ADGRB3: variants seen among roughly 807,000 people sequenced by gnomAD.
ADGRB3 encodes adhesion G protein-coupled receptor B3, also known as brain-specific angiogenesis inhibitor 3.
ADGRB3 carries 37 observed loss-of-function variants against 193.4 expected under a neutral mutation model. The observed-to-expected ratio is 0.19, with a 90% CI of 0.15 to 0.25. ADGRB3 has a LOEUF of 0.25. ADGRB3 is among the 10% of genes least tolerant of loss of function. ADGRB3 has a pLI of 1.00. For synonymous variants in ADGRB3, 690 were observed against 644.2 expected (o/e 1.07, Z -1.08); for missense variants, 1,637 against 1,852.9 (o/e 0.88, Z 2.14).
chr6:68,674,322 G>A lies in ADGRB3; in HGVS notation c.757+34890G>A, dbSNP rs139705562. Among the ~76,000 whole-genome samples the A allele has an allele frequency of 3.9e-3, 596 of 152,022 alleles. 3 individuals are homozygous for A. The highest frequency in any genetic ancestry group is 0.013 in the African/African-American group (557 of 41,466). ...TTTAAAAGCTAAAAAAATTTTAGACGGCATGAAACATTGTAAGACAATAGA... is the reference window on the plus strand; with the variant it reads ...TTTAAAAGCTAAAAAAATTTTAGACAGCATGAAACATTGTAAGACAATAGA... On this transcript the variant is annotated intron_variant, in intron 3 of 31. Coordinates refer to ENST00000370598, the MANE Select transcript of ADGRB3 (RefSeq NM_001704.3).
At chr6:69,058,958 C>A (rs1020364315) in intron 15 of ADGRB3, among the ~76,000 whole-genome samples, 5 of 151,850 alleles carry the variant, frequency 3.3e-5, no homozygotes, top group African/African-American at 1.2e-4. Context: ...CCTGTTAGGT[C>A]CAATTCATCT....
At chr6:68,798,789 T>C (rs1477947211) in intron 3 of ADGRB3, among the ~76,000 whole-genome samples, 4 of 152,206 alleles carry the variant, frequency 2.6e-5, no homozygotes, top group African/African-American at 9.6e-5. Context: ...CAAAGGAGTT[T>C]TCCAGAAGAA....
intron 3 of ADGRB3, among the ~76,000 whole-genome samples, chr6:68,896,462 A>G (rs1766221110): frequency 6.6e-6 from 1 of 152,138 alleles, no homozygotes; most frequent in African/African-American, 2.4e-5. Flanking sequence ...GCTACTTTAA[A>G]GTTATGAAGT....
intron 3 of ADGRB3, among the ~76,000 whole-genome samples, chr6:68,897,912 T>C (rs1766284855): frequency 6.8e-6 from 1 of 148,088 alleles, no homozygotes; most frequent in African/African-American, 2.5e-5. Flanking sequence ...AAACACATTA[T>C]TATTAGGATT....
At chr6:69,287,229 A>C (rs894240228) in intron 20 of ADGRB3, among the ~76,000 whole-genome samples, 2 of 152,160 alleles carry the variant, frequency 1.3e-5, no homozygotes, top group Non-Finnish European at 2.9e-5. Context: ...TCAATTTCTG[A>C]GTCCACTCTG....
intron 19 of ADGRB3, among the ~76,000 whole-genome samples, chr6:69,237,449 GA>G (rs940679034): frequency 2.0e-5 from 3 of 151,816 alleles, no homozygotes; most frequent in African/African-American, 7.3e-5. Flanking sequence ...ATTTTTACAT[GA>G]AAAAATAATG....
chr6:69,264,523 T>C (rs559483929), intron 20 of ADGRB3, among the ~76,000 whole-genome samples: 66 of 151,990 alleles, frequency 4.3e-4, no homozygotes, highest in Admixed American at 5.9e-4. Flanking sequence ...CTTTTTTTTT[T>C]ATTTATTTAG....
intron 8 of ADGRB3, among the ~76,000 whole-genome samples, chr6:68,967,701 T>G (rs567561572): frequency 6.6e-6 from 1 of 151,106 alleles, no homozygotes; most frequent in African/African-American, 2.4e-5. Flanking sequence ...CAAAAACAGA[T>G]CTAGCCAAAA....
chr6:68,999,270 T>TC (rs1219893303), intron 11 of ADGRB3, among the ~76,000 whole-genome samples: 1 of 150,278 alleles, frequency 6.7e-6, no homozygotes, highest in Non-Finnish European at 1.5e-5. Flanking sequence ...CCTTTTCTTT[T>TC]TTTTTTTTTT....
intron 17 of ADGRB3, among the ~76,000 whole-genome samples, chr6:69,169,101 C>T (rs1775205100): frequency 2.0e-5 from 3 of 152,002 alleles, no homozygotes; most frequent in Admixed American, 1.3e-4. Flanking sequence ...GATAGTTCCT[C>T]TATAGCCATG....
intron 3 of ADGRB3, among the ~76,000 whole-genome samples, chr6:68,929,852 T>C (rs1293069805): frequency 6.6e-6 from 1 of 152,066 alleles, no homozygotes; most frequent in African/African-American, 2.4e-5. Flanking sequence ...TTTCTGCCTT[T>C]CTTGAAAGTT....
chr6:68,703,865 C>A (rs1287460710), intron 3 of ADGRB3, among the ~76,000 whole-genome samples: 1 of 152,148 alleles, frequency 6.6e-6, no homozygotes, highest in Non-Finnish European at 1.5e-5. Flanking sequence ...TCAAGCAGTC[C>A]TCCTGCCTCA....
At chr6:69,023,259 A>T (rs1263794979) in intron 13 of ADGRB3, among the ~76,000 whole-genome samples, 1 of 152,160 alleles carries the variant, frequency 6.6e-6, no homozygotes, top group East Asian at 1.9e-4. Flanking sequence ...TAGACAGAAA[A>T]GAATTACATA....
At position 68,781,017 on chromosome 6, in the gene ADGRB3, C is replaced by T. The variant is rs542296438; in HGVS notation, c.757+141585C>T. On this transcript the variant is annotated intron_variant, in intron 3 of 31. Coordinates refer to ENST00000370598, the MANE Select transcript of ADGRB3 (RefSeq NM_001704.3). ...TTACTTGAAAATTGGATGTCTTAAG[C>T]GAAGCTTTTATGTTTCATTTTGTTT... is the stretch of plus-strand genomic sequence containing the variant. Among the ~76,000 whole-genome samples the T allele has an allele frequency of 4.6e-5, 7 of 152,182 alleles. No individual in the cohort carries two copies. In the South Asian group the frequency reaches 1.2e-3, roughly 27 times the overall value.
intron 4 of ADGRB3, 53 bp downstream of exon 4, chr6:68,930,722 C>G: frequency 7.8e-7 from 1 of 1,275,912 alleles, no homozygotes; most frequent in Non-Finnish European, 1.1e-6. Flanking sequence ...AATGAAACCA[C>G]TGCATGTTTT....
chr6:69,234,894 G>A (rs1582566077), intron 18 of ADGRB3, 138 bp from the exon 19 acceptor site: 3 of 615,346 alleles, frequency 4.9e-6, no homozygotes, highest in East Asian at 5.6e-5. Context: ...GAACAGAGTG[G>A]ATTCATGGGT....
intron 3 of ADGRB3, among the ~76,000 whole-genome samples, chr6:68,792,705 A>G (rs1767130739): frequency 6.6e-6 from 1 of 152,202 alleles, no homozygotes; most frequent in Non-Finnish European, 1.5e-5. Context: ...TTGTTTTAAT[A>G]TACGGAGTCT....
chr6:68,691,331 G>A (rs1582126653), intron 3 of ADGRB3, among the ~76,000 whole-genome samples: 1 of 152,056 alleles, frequency 6.6e-6, no homozygotes, highest in Admixed American at 6.6e-5. Context: ...AGTCACAGCT[G>A]CATGAATATT....
intron 3 of ADGRB3, among the ~76,000 whole-genome samples, chr6:68,683,759 A>G (rs1283072353): frequency 1.3e-5 from 2 of 152,136 alleles, no homozygotes; most frequent in Admixed American, 1.3e-4. Context: ...TAAGTTTATA[A>G]ATACCTGCTA....
Sources: allele counts gnomAD v4.1 joint callset (sites outside exome capture counted in the v4.1 genomes callset), GRCh38; gene constraint gnomAD v4.1.1; transcripts MANE v1.5; gene names NCBI Gene and HGNC (gene_info 2026-07-23, HGNC 2026-07-21).